Variants in MID1 observed in about 807,000 individuals in gnomAD.
The protein encoded by MID1 is E3 ubiquitin-protein ligase Midline-1.
A neutral mutation model predicts 40.4 loss-of-function variants in MID1; 7 were observed. The ratio of observed to expected loss-of-function variants is 0.17; its 90% CI spans 0.10 to 0.33. The LOEUF (loss-of-function observed/expected upper bound fraction) is 0.33, where lower values mean the gene tolerates loss of function less well. MID1 is among the 10% of genes least tolerant of loss of function. The probability of loss-of-function intolerance (pLI) is 1.00; values close to 1 mark genes in which losing one functional copy is unlikely to be tolerated. For synonymous variants in MID1, 229 were observed against 221.2 expected, an observed-to-expected ratio of 1.04 and a Z score of -0.31; for missense variants, 367 against 558.5, an observed-to-expected ratio of 0.66 and a Z score of 3.46.
chrX:10,695,402 T>C (rs2043156792), intron 1 of MID1, among the ~76,000 whole-genome samples: 1 of 111,912 alleles, frequency 8.9e-6, no homozygotes, highest in African/African-American at 3.2e-5. Flanking sequence ...GCTGAGATTA[T>C]AGGTGTGAGC....
At chrX:10,822,270 G>A (rs749052386) in intron 1 of MID1, among the ~76,000 whole-genome samples, 1 of 111,230 alleles carries the variant, frequency 9.0e-6, no homozygotes, top group Non-Finnish European at 1.9e-5. Context: ...AATGGTGCTG[G>A]GAGAACTGGC....
intron 7 of MID1, among the ~76,000 whole-genome samples, chrX:10,461,685 A>T (rs754560957): frequency 2.0e-3 from 220 of 111,942 alleles, no homozygotes; most frequent in South Asian, 4.9e-3. Context: ...AAAACAAAAA[A>T]TTAGCTTTTC....
chrX:10,455,770 G>GA (rs1928622986), intron 8 of MID1, among the ~76,000 whole-genome samples: 1 of 111,844 alleles, frequency 8.9e-6, no homozygotes, highest in African/African-American at 3.2e-5. Flanking sequence ...ACAAAATTAG[G>GA]AAAAAATGTG....
At chrX:10,747,617 G>A (rs1006274429) in intron 1 of MID1, among the ~76,000 whole-genome samples, 7 of 112,012 alleles carry the variant, frequency 6.2e-5, no homozygotes, top group South Asian at 3.7e-4. Flanking sequence ...CATCTTTGTC[G>A]TAGCCTATTA....
At position 10,550,106 on chromosome X, in the gene MID1, T is replaced by C. The variant is rs58351980; in HGVS notation, c.660+16782A>G. 6.2e-3 allele frequency among the ~76,000 whole-genome samples: 695 copies of C among 112,567 alleles called. 6 individuals carry two copies. The highest frequency in any genetic ancestry group is 0.021 in the African/African-American group (655 of 31,016). ...ATTTAATGAGTTAACTTTTGATCTA[T>C]GGAAATAATTCACTTTTAATAATAT... is the stretch of plus-strand genomic sequence containing the variant. On this transcript the variant is annotated intron_variant, in intron 2 of 9. Coordinates refer to ENST00000317552, the MANE Select transcript of MID1 (RefSeq NM_000381.4).
chrX:10,529,726 G>C (rs919588278), intron 2 of MID1, among the ~76,000 whole-genome samples: 1 of 111,853 alleles, frequency 8.9e-6, no homozygotes, highest in Non-Finnish European at 1.9e-5. Context: ...GAATGCATGT[G>C]TGTAGCAGAA....
intron 1 of MID1, among the ~76,000 whole-genome samples, chrX:10,685,724 T>TC (rs944563291): frequency 9.0e-6 from 1 of 111,359 alleles, no homozygotes; most frequent in African/African-American, 3.3e-5. Context: ...ATGGATAATT[T>TC]CCCCTGTATC....
At chrX:10,695,940 C>G (rs1278878416) in intron 1 of MID1, among the ~76,000 whole-genome samples, 1 of 111,690 alleles carries the variant, frequency 9.0e-6, no homozygotes, top group Admixed American at 9.5e-5. Context: ...GTTAGTCAGA[C>G]AGAAGCAGGG....
intron 1 of MID1, among the ~76,000 whole-genome samples, chrX:10,668,205 T>C (rs1050941682): frequency 2.7e-5 from 3 of 112,146 alleles, no homozygotes; most frequent in Non-Finnish European, 5.6e-5. Flanking sequence ...ATAGTGCTAT[T>C]ACTCACATAA....
chrX:10,542,572 T>A (rs1289332035), intron 2 of MID1, among the ~76,000 whole-genome samples: 1 of 112,342 alleles, frequency 8.9e-6, no homozygotes, highest in African/African-American at 3.2e-5. Flanking sequence ...TTTCTTTTTT[T>A]ATTATCATTT....
chrX:10,712,753 A>C (rs1182979559), intron 1 of MID1, among the ~76,000 whole-genome samples: 1 of 112,111 alleles, frequency 8.9e-6, no homozygotes, highest in Non-Finnish European at 1.9e-5. Flanking sequence ...TTAGAAATAC[A>C]GATTCTGGAG....
rs1231294169 is a variant in MID1 at position 10,614,136 on chromosome X, A to C, written c.-57+6154T>G. ...AAGATAAGCAGACAAACGAGTAGAA[A>C]TATATACACCAACTCAAATACTCGT... On this transcript the variant is annotated intron_variant, in intron 1 of 9. Coordinates refer to ENST00000317552, the MANE Select transcript of MID1 (RefSeq NM_000381.4). 2.7e-5 allele frequency among the ~76,000 whole-genome samples: 3 copies of C among 111,135 alleles called. No individual in the cohort carries two copies. The East Asian group carries it at 8.5e-4, about 32-fold the overall frequency.
chrX:10,704,486 C>G (rs1024338186), intron 1 of MID1, among the ~76,000 whole-genome samples: 1 of 108,447 alleles, frequency 9.2e-6, no homozygotes, highest in Non-Finnish European at 1.9e-5. Context: ...TGCCTCCCAG[C>G]CTTTATGGGC....
At chrX:10,786,040 A>T (rs1329902330) in intron 1 of MID1, among the ~76,000 whole-genome samples, 1 of 111,578 alleles carries the variant, frequency 9.0e-6, no homozygotes. Context: ...AACCTACAGA[A>T]TGGGAGAAAA....
chrX:10,765,635 T>A (rs966249404), intron 1 of MID1, among the ~76,000 whole-genome samples: 1 of 111,723 alleles, frequency 9.0e-6, no homozygotes, highest in African/African-American at 3.3e-5. Flanking sequence ...TTCTAGTTTA[T>A]CACTGTTAAT....
At chrX:10,695,711 G>A (rs1035522389) in intron 1 of MID1, among the ~76,000 whole-genome samples, 2 of 111,885 alleles carry the variant, frequency 1.8e-5, no homozygotes, top group African/African-American at 3.2e-5. Flanking sequence ...TGCGCAGCAG[G>A]CAGGAAGAAC....
chrX:10,565,126 GT>G (rs1479634497), intron 2 of MID1: 2 of 330,768 alleles, frequency 6.0e-6, no homozygotes, highest in Admixed American at 6.2e-5. Flanking sequence ...ATTAACTTTG[GT>G]GGTACTTTTC....
chrX:10,769,774 G>T (rs771454444), intron 1 of MID1, among the ~76,000 whole-genome samples: 3 of 111,334 alleles, frequency 2.7e-5, no homozygotes, highest in Non-Finnish European at 3.8e-5. Flanking sequence ...GCTTCATACC[G>T]CCTGGACAGA....
intron 1 of MID1, among the ~76,000 whole-genome samples, chrX:10,613,025 T>TA (rs1270267444): frequency 8.9e-6 from 1 of 112,174 alleles, no homozygotes; most frequent in Non-Finnish European, 1.9e-5. Context: ...TCTCTATTAA[T>TA]AATATTTGGT....
Sources: gnomAD v4.1 joint callset for allele counts (sites outside exome capture counted in the v4.1 genomes callset) on GRCh38, gnomAD v4.1.1 for gene constraint, MANE v1.5 for transcripts, NCBI Gene and HGNC (gene_info 2026-07-23, HGNC 2026-07-21) for gene names.